Variants in FDFT1 observed in about 807,000 individuals in gnomAD.
The protein encoded by FDFT1 is farnesyl-diphosphate farnesyltransferase 1.
FDFT1 carries 68 observed loss-of-function variants against 46.8 expected under a neutral mutation model. That is an observed-to-expected ratio of 1.45 (90% CI 1.19 to 1.78). The LOEUF (loss-of-function observed/expected upper bound fraction) is 1.78, where lower values mean the gene tolerates loss of function less well. Ranked by LOEUF, FDFT1 falls within the 40% of genes most tolerant of loss-of-function variation. The probability of loss-of-function intolerance (pLI) is 0.00; values close to 1 mark genes in which losing one functional copy is unlikely to be tolerated. For synonymous variants in FDFT1, 351 were observed against 185.1 expected, an observed-to-expected ratio of 1.90 and a Z score of -7.28; for missense variants, 928 against 524.4, an observed-to-expected ratio of 1.77 and a Z score of -7.52.
intron 5 of FDFT1, among the ~76,000 whole-genome samples, chr8:11,828,031 G>A (rs529402162): frequency 2.6e-5 from 4 of 152,030 alleles, no homozygotes; most frequent in East Asian, 1.9e-4. Context: ...GCAAAACTCC[G>A]TCTCTACTAA....
At chr8:11,809,585 A>G (rs1807408746) in intron 2 of FDFT1, 82 bp from the exon 3 acceptor site, 12 of 1,410,170 alleles carry the variant, frequency 8.5e-6, no homozygotes, top group Non-Finnish European at 1.1e-5. Context: ...GGGTTTAGAA[A>G]GTGGCCAGGC....
At position 11,825,263 on chromosome 8, in the gene FDFT1, C is replaced by T. The variant is rs144872921; in HGVS notation, c.511-761C>T. ...CAAAAAGTTTATTGTAAAGCTAGGG[C>T]GGGCACGGTGTCTTGGGCTGGTAAT... On this transcript the variant is annotated intron_variant, in intron 4 of 7. Transcript: ENST00000220584. Among the ~76,000 whole-genome samples, 100 of 152,030 alleles carry T rather than the reference C, an allele frequency of 6.6e-4. 1 individual carries two copies. The East Asian group carries it at 0.018, about 27-fold the overall frequency.
At chr8:11,819,183 T>A (rs1043830459) in intron 3 of FDFT1, among the ~76,000 whole-genome samples, 20 of 152,332 alleles carry the variant, frequency 1.3e-4, no homozygotes, top group African/African-American at 4.3e-4. Flanking sequence ...GCCCCCACTC[T>A]CTTCTGGCTA....
At chr8:11,811,780 C>T (rs1474179381) in intron 3 of FDFT1, among the ~76,000 whole-genome samples, 1 of 152,188 alleles carries the variant, frequency 6.6e-6, no homozygotes, top group Admixed American at 6.5e-5. Flanking sequence ...TGTTGTTCAC[C>T]TTTTGTATCC....
chr8:11,837,293 T>G (rs1037445177), intron 7 of FDFT1, among the ~76,000 whole-genome samples: 27 of 152,214 alleles, frequency 1.8e-4, no homozygotes, highest in African/African-American at 6.5e-4. Context: ...TGCAGTGGCA[T>G]GATCTCGGAT....
chr8:11,817,186 A>G (rs562659621), intron 3 of FDFT1, among the ~76,000 whole-genome samples: 1 of 152,170 alleles, frequency 6.6e-6, no homozygotes, highest in Non-Finnish European at 1.5e-5. Context: ...TGATTTGTGT[A>G]TGTTGAACAG....
intron 7 of FDFT1, among the ~76,000 whole-genome samples, chr8:11,834,926 C>A (rs1386116554): frequency 6.6e-6 from 1 of 152,174 alleles, no homozygotes; most frequent in East Asian, 1.9e-4. Context: ...GAGTTCGAGA[C>A]CAGCCTGGCC....
chr8:11,803,274 G>A (rs937314006), intron 1 of FDFT1: 16 of 1,335,432 alleles, frequency 1.2e-5, no homozygotes, highest in Admixed American at 8.9e-5. Context: ...GGTGGGTTAC[G>A]CGGGAGAGGA....
chr8:11,825,576 G>C (rs994214459), intron 4 of FDFT1, among the ~76,000 whole-genome samples: 5 of 148,518 alleles, frequency 3.4e-5, no homozygotes, highest in Non-Finnish European at 5.9e-5. Context: ...TGTAAAGCTA[G>C]ACACGGTGGT....
chr8:11,813,705 G>A (rs1808046586), intron 3 of FDFT1, among the ~76,000 whole-genome samples: 1 of 152,148 alleles, frequency 6.6e-6, no homozygotes, highest in African/African-American at 2.4e-5. Flanking sequence ...TTATCCCTGT[G>A]AACTCGCTCT....
At chr8:11,805,441 A>G (rs566292146) in intron 1 of FDFT1, among the ~76,000 whole-genome samples, 1 of 152,350 alleles carries the variant, frequency 6.6e-6, no homozygotes, top group East Asian at 1.9e-4. Flanking sequence ...GTTAGTAATC[A>G]GGCAGATCTG....
upstream of FDFT1, among the ~76,000 whole-genome samples, chr8:11,800,153 C>T (rs1187444791): frequency 4.8e-5 from 7 of 147,042 alleles, no homozygotes; most frequent in Non-Finnish European, 5.9e-5. Flanking sequence ...CCCAGCTACT[C>T]GGGAGGCTGA....
At chr8:11,816,776 C>G (rs987995315) in intron 3 of FDFT1, among the ~76,000 whole-genome samples, 1 of 152,150 alleles carries the variant, frequency 6.6e-6, no homozygotes, top group Non-Finnish European at 1.5e-5. Flanking sequence ...AGGGCTGAGA[C>G]GATGGGGTTT....
At chr8:11,816,777 G>T (rs1020759144) in intron 3 of FDFT1, among the ~76,000 whole-genome samples, 17 of 152,172 alleles carry the variant, frequency 1.1e-4, no homozygotes, top group Non-Finnish European at 2.2e-4. Context: ...GGGCTGAGAC[G>T]ATGGGGTTTT....
At chr8:11,806,357 T>C (rs751791779) in intron 1 of FDFT1, among the ~76,000 whole-genome samples, 4 of 152,202 alleles carry the variant, frequency 2.6e-5, no homozygotes, top group Admixed American at 6.5e-5. Flanking sequence ...GAGTGTTGTT[T>C]TCCATAGTAT....
Position 11,809,777 on chromosome 8 carries a change from T to C in FDFT1, c.308T>C (p.Phe103Ser), listed in dbSNP as rs368071016. 3.1e-6 allele frequency: 5 copies of C among 1,614,078 alleles called. No individual in the cohort carries two copies. Among genetic ancestry groups the C allele is most frequent in the South Asian group, 1.1e-5 (1 of 91,090 alleles). The change falls in exon 3 of 8, where the codon TTC (phenylalanine) becomes TCC (serine). Residue 103 changes from phenylalanine to serine, a missense_variant. By Grantham distance (155) the Phe-to-Ser change is radical. Transcript: ENST00000220584. ...KVPLLHNFHS[F>S]LYQPDWRFME... Reference sequence around the variant, plus strand: ...CCGCTGTTACACAACTTTCACTCTTTCCTTTACCAACCAGACTGGCGGTTC... The same window carrying C: ...CCGCTGTTACACAACTTTCACTCTTCCCTTTACCAACCAGACTGGCGGTTC...
At chr8:11,834,620 T>C (rs1174764801) in intron 7 of FDFT1, among the ~76,000 whole-genome samples, 2 of 152,230 alleles carry the variant, frequency 1.3e-5, no homozygotes, top group Non-Finnish European at 2.9e-5. Context: ...TGCCTTTTTT[T>C]CCCAAATGAT....
At chr8:11,825,927 C>G (rs1051070616) in intron 4 of FDFT1, 97 bp from the exon 5 acceptor site, 3 of 707,536 alleles carry the variant, frequency 4.2e-6, no homozygotes, top group Admixed American at 6.8e-5. Context: ...CTTACCCATT[C>G]TCTTTTGAAC....
In FDFT1 at chr8:11,811,242, C is replaced by T. The variant is rs77123056; in HGVS notation, c.381+1392C>T. On this transcript the variant is annotated intron_variant, in intron 3 of 7. Transcript: ENST00000220584. ...GTTTCCTTTGATGGGAAATCTGTGG[C>T]GATTCATTGATGGGCCTCTGAATTC... Among the ~76,000 whole-genome samples the T allele has an allele frequency of 1.2e-4, 18 of 152,204 alleles. No homozygotes were observed. The South Asian group carries it at 3.7e-3, about 32-fold the overall frequency.
Sources: allele counts gnomAD v4.1 joint callset (sites outside exome capture counted in the v4.1 genomes callset), GRCh38; gene constraint gnomAD v4.1.1; transcripts MANE v1.5; gene names NCBI Gene and HGNC (gene_info 2026-07-23, HGNC 2026-07-21).